TRIM2: variants seen among roughly 807,000 people sequenced by gnomAD.
The protein encoded by TRIM2 is tripartite motif-containing protein 2.
TRIM2 carries 20 observed loss-of-function variants against 75.2 expected under a neutral mutation model. The ratio of observed to expected loss-of-function variants is 0.27; its 90% CI spans 0.19 to 0.39. The LOEUF (loss-of-function observed/expected upper bound fraction) is 0.39, where lower values mean the gene tolerates loss of function less well. TRIM2 is among the 10% of genes least tolerant of loss of function. TRIM2 has a pLI of 1.00. For missense variants in TRIM2, 660 were observed against 990.8 expected (o/e 0.67, Z 4.48); for synonymous variants, 373 against 388.3 (o/e 0.96, Z 0.46).
At chr4:153,332,491 A>G (rs1771691038) in intron 11 of TRIM2, among the ~76,000 whole-genome samples, 1 of 152,160 alleles carries the variant, frequency 6.6e-6, no homozygotes, top group Non-Finnish European at 1.5e-5. Context: ...CTAAAAATAC[A>G]AAAATTAGCT....
chr4:153,222,737 A>G (rs1026126661), intron 1 of TRIM2: 1 of 152,442 alleles, frequency 6.6e-6, no homozygotes, highest in African/African-American at 2.4e-5. Context: ...GAGTCCAGCC[A>G]GGAGGCCGAC....
intron 8 of TRIM2, among the ~76,000 whole-genome samples, chr4:153,320,076 G>T (rs1373677248): frequency 6.6e-6 from 1 of 152,138 alleles, no homozygotes; most frequent in African/African-American, 2.4e-5. Context: ...TCATCGAAGT[G>T]CCTTCTCTCC....
intron 1 of TRIM2, among the ~76,000 whole-genome samples, chr4:153,174,564 G>A (rs1431737971): frequency 1.3e-5 from 2 of 152,184 alleles, no homozygotes; most frequent in Non-Finnish European, 2.9e-5. Context: ...CGGCCAACCT[G>A]CCAGCACCAG....
intron 6 of TRIM2, among the ~76,000 whole-genome samples, chr4:153,313,620 A>G (rs1766845024): frequency 6.7e-6 from 1 of 148,286 alleles, no homozygotes; most frequent in South Asian, 2.1e-4. Flanking sequence ...ACAAAATAGC[A>G]ATGGCTCTTT....
In TRIM2 at chr4:153,292,065, T is replaced by C. The variant is rs1298034401; in HGVS notation, c.454-917T>C. On this transcript the variant is annotated intron_variant, in intron 3 of 11. Transcript: ENST00000338700. ...TTCTCAAAGTGTGGTCCAGGAACCC[T>C]TGTGGGTCCCAAGACGTTTTCAAGC... Among the ~76,000 whole-genome samples, 3 of 152,328 alleles carry C rather than the reference T, an allele frequency of 2.0e-5. No individual in the cohort carries two copies. In the South Asian group the frequency reaches 6.2e-4, roughly 32 times the overall value.
chr4:153,238,550 G>GA (rs1745616969), intron 1 of TRIM2, among the ~76,000 whole-genome samples: 1 of 152,214 alleles, frequency 6.6e-6, no homozygotes, highest in South Asian at 2.1e-4. Context: ...GGACTCCAGG[G>GA]AGAGGAAAAG....
At chr4:153,305,239 C>T (rs1019750705) in intron 6 of TRIM2, among the ~76,000 whole-genome samples, 1 of 152,174 alleles carries the variant, frequency 6.6e-6, no homozygotes, top group Non-Finnish European at 1.5e-5. Context: ...AGTTGCTTAG[C>T]CTCTCAGTGC....
At chr4:153,265,490 C>T (rs1754748774) in intron 1 of TRIM2, among the ~76,000 whole-genome samples, 1 of 151,952 alleles carries the variant, frequency 6.6e-6, no homozygotes, top group Non-Finnish European at 1.5e-5. Context: ...GCTACAGGCG[C>T]CTGCCGCCAC....
intron 1 of TRIM2, among the ~76,000 whole-genome samples, chr4:153,257,142 C>T (rs1198962014): frequency 2.6e-5 from 4 of 152,302 alleles, no homozygotes; most frequent in Admixed American, 2.6e-4. Flanking sequence ...GCACTCCCTT[C>T]GTCTGATTTG....
intron 8 of TRIM2, among the ~76,000 whole-genome samples, chr4:153,317,860 T>C (rs1768035814): frequency 6.6e-6 from 1 of 151,996 alleles, no homozygotes; most frequent in Non-Finnish European, 1.5e-5. Flanking sequence ...CTTGGGAGGC[T>C]GAGGTGGGAG....
At chr4:153,204,255 C>T (rs1734795091), upstream of TRIM2, among the ~76,000 whole-genome samples, 1 of 152,220 alleles carries the variant, frequency 6.6e-6, no homozygotes, top group South Asian at 2.1e-4. Flanking sequence ...AAGATGATAA[C>T]TCAGCCCTTA....
intron 1 of TRIM2, among the ~76,000 whole-genome samples, chr4:153,244,138 C>G (rs1352850394): frequency 1.4e-5 from 2 of 138,508 alleles, no homozygotes; most frequent in Non-Finnish European, 3.2e-5. Flanking sequence ...TCTTCTTCTT[C>G]TTCTTGTTCT....
chr4:153,193,585 T>C (rs1177109062), intron 1 of TRIM2, among the ~76,000 whole-genome samples: 1 of 152,176 alleles, frequency 6.6e-6, no homozygotes, highest in Admixed American at 6.5e-5. Context: ...GACAACTATA[T>C]CTCATTTAAT....
chr4:153,165,516 A>G (rs959119965), intron 1 of TRIM2, among the ~76,000 whole-genome samples: 2 of 151,774 alleles, frequency 1.3e-5, no homozygotes, highest in Non-Finnish European at 2.9e-5. Flanking sequence ...GTTTGTTTAT[A>G]GATATGGAGT....
chr4:153,243,817 TTC>T lies in TRIM2; in HGVS notation c.31-26517_31-26516del, dbSNP rs201530499. ...TTCCTCCTCCCCCTCCTTTTTTTTT[TTC>T]CCCCCCCCCTTGAGACAGGATCTCT... On this transcript the variant is annotated intron_variant, in intron 1 of 11. Transcript: ENST00000338700. Among the ~76,000 whole-genome samples the T allele has an allele frequency of 1.7e-3, 204 of 120,618 alleles. 3 individuals are homozygous for T. The highest frequency in any genetic ancestry group is 4.0e-3 in the African/African-American group (98 of 24,610). The allele number at this position is 120,618 out of a possible 152,430, so 79.1% of individuals were successfully genotyped here.
At chr4:153,269,762 C>T (rs961936444) in intron 1 of TRIM2, among the ~76,000 whole-genome samples, 2 of 152,096 alleles carry the variant, frequency 1.3e-5, no homozygotes, top group Non-Finnish European at 2.9e-5. Context: ...GTACAACATG[C>T]CCTCTTTTAA....
chr4:153,207,231 A>G (rs764533762), intron 1 of TRIM2, among the ~76,000 whole-genome samples: 4 of 152,170 alleles, frequency 2.6e-5, no homozygotes, highest in Non-Finnish European at 5.9e-5. Context: ...CCTTATCTGT[A>G]AAATTCGCTA....
intron 6 of TRIM2, among the ~76,000 whole-genome samples, chr4:153,300,570 T>G (rs185782087): frequency 6.9e-4 from 105 of 152,284 alleles, no homozygotes; most frequent in Admixed American, 1.1e-3. Flanking sequence ...TGAGACAGAT[T>G]CTTACTCTGT....
intron 7 of TRIM2, 102 bp from the exon 8 acceptor site, chr4:153,315,730 G>T: frequency 1.3e-6 from 2 of 1,487,572 alleles, no homozygotes; most frequent in African/African-American, 1.4e-5. Context: ...AATAGAGTTT[G>T]CGTGTTCTGA....
Sources: gnomAD v4.1 joint callset for allele counts (sites outside exome capture counted in the v4.1 genomes callset) on GRCh38, gnomAD v4.1.1 for gene constraint, MANE v1.5 for transcripts, NCBI Gene and HGNC (gene_info 2026-07-23, HGNC 2026-07-21) for gene names.